Variants in STK38L observed in about 807,000 individuals in gnomAD.
The protein encoded by STK38L is serine/threonine-protein kinase 38-like.
Under a neutral mutation model 59.7 loss-of-function variants are expected in STK38L, and 28 were observed. That is an observed-to-expected ratio of 0.47 (90% confidence interval 0.35 to 0.64). STK38L has a LOEUF of 0.64. Ranked by LOEUF, STK38L falls within the 30% of genes least tolerant of loss-of-function variation. STK38L has a pLI of 0.01. For synonymous variants in STK38L, 162 were observed against 176.8 expected, an observed-to-expected ratio of 0.92 and a Z score of 0.66; for missense variants, 314 against 555.8, an observed-to-expected ratio of 0.56 and a Z score of 4.37.
intron 1 of STK38L, among the ~76,000 whole-genome samples, chr12:27,262,280 C>G (rs151028379): frequency 6.6e-6 from 1 of 152,124 alleles, no homozygotes; most frequent in African/African-American, 2.4e-5. Flanking sequence ...AAACTAAATA[C>G]AAATTATGTC....
chr12:27,320,178 C>T lies in STK38L; in HGVS notation c.1175+755C>T, dbSNP rs183394142. On this transcript the variant is annotated intron_variant, in intron 12 of 13. Coordinates refer to ENST00000389032, the MANE Select transcript of STK38L (RefSeq NM_015000.4). The stretch of plus-strand genomic sequence containing the variant: ...TACCCCTACCCTGCCTAGCTGGCTC[C>T]TTTGCATCTTCCAAGATAGCTTATG... 5.3e-5 allele frequency among the ~76,000 whole-genome samples: 8 copies of T among 152,336 alleles called. No individual in the cohort carries two copies. In the East Asian group the frequency reaches 1.5e-3, roughly 29 times the overall value.
chr12:27,267,148 G>A (rs990516598), intron 1 of STK38L, among the ~76,000 whole-genome samples: 1 of 152,106 alleles, frequency 6.6e-6, no homozygotes, highest in Non-Finnish European at 1.5e-5. Context: ...AATTCATTAT[G>A]TAAATTTGCC....
chr12:27,319,567 G>C, intron 12 of STK38L, 144 bp downstream of exon 12: 1 of 556,490 alleles, frequency 1.8e-6, no homozygotes, highest in Non-Finnish European at 3.2e-6. Flanking sequence ...GATTATGTAA[G>C]TGAGTGGGAC....
intron 2 of STK38L, among the ~76,000 whole-genome samples, chr12:27,300,215 A>G (rs1462370496): frequency 6.6e-6 from 1 of 152,220 alleles, no homozygotes; most frequent in African/African-American, 2.4e-5. Flanking sequence ...AAAAGCTTAT[A>G]CTTTTAAGAA....
At chr12:27,264,828 T>A (rs1485135703) in intron 1 of STK38L, among the ~76,000 whole-genome samples, 3 of 152,240 alleles carry the variant, frequency 2.0e-5, no homozygotes, top group African/African-American at 7.2e-5. Context: ...TATCAAAGGA[T>A]GACTGTATGA....
At chr12:27,312,376 A>G (rs932091510) in intron 5 of STK38L, among the ~76,000 whole-genome samples, 173 bp from the exon 6 acceptor site, 1 of 152,174 alleles carries the variant, frequency 6.6e-6, no homozygotes, top group African/African-American at 2.4e-5. Context: ...AAAATAAACT[A>G]TTTCTTGAGG....
chr12:27,261,272 T>C (rs2029096), intron 1 of STK38L, among the ~76,000 whole-genome samples: 60,261 of 152,084 alleles, frequency 0.4, 12,118 homozygotes, highest in Admixed American at 0.47. Flanking sequence ...CACAGCTTAT[T>C]TGTGTCAGCC....
rs977095005 is a variant in STK38L, at chr12:27,323,034, G to T, written c.*579G>T. ...AAATTCACTGGTTCTTTACAAAATAGAATTTATCATCAAGTTATTACACAA... is the reference window on the plus strand; with the variant it reads ...AAATTCACTGGTTCTTTACAAAATATAATTTATCATCAAGTTATTACACAA... On this transcript the variant is annotated 3_prime_UTR_variant, in exon 14 of 14. Transcript: ENST00000389032. The T allele has an allele frequency of 1.3e-5, 2 of 152,182 alleles. No individual in the cohort carries two copies. Among genetic ancestry groups the T allele is most frequent in the Non-Finnish European group, 2.9e-5 (2 of 68,014 alleles). 9.4% of individuals were successfully genotyped at this position (152,182 alleles called of 1,614,324 possible). A position where few individuals can be genotyped will look rare whatever the true frequency, so the allele number is the denominator to read the frequency against.
intron 1 of STK38L, among the ~76,000 whole-genome samples, chr12:27,296,500 T>G (rs1463571826): frequency 6.6e-6 from 1 of 152,252 alleles, no homozygotes; most frequent in Non-Finnish European, 1.5e-5. Flanking sequence ...TGACATCTTT[T>G]GGTTCATTCC....
chr12:27,246,631 A>G (rs1942859108), intron 1 of STK38L, among the ~76,000 whole-genome samples: 2 of 152,320 alleles, frequency 1.3e-5, no homozygotes, highest in Admixed American at 6.5e-5. Context: ...TTTTTTAAAA[A>G]ATTAAAAATC....
chr12:27,316,128 A>G (rs762903694), intron 9 of STK38L, among the ~76,000 whole-genome samples: 1 of 152,216 alleles, frequency 6.6e-6, no homozygotes, highest in Non-Finnish European at 1.5e-5. Context: ...ACAGACTGAA[A>G]AATAATAGGC....
Position 27,266,921 on chromosome 12 carries a change from G to A in STK38L, c.-12+22589G>A, listed in dbSNP as rs1943312716. Among the ~76,000 whole-genome samples the A allele has an allele frequency of 3.9e-5, 6 of 152,114 alleles. No homozygotes were observed. The South Asian group carries it at 1.2e-3, about 32-fold the overall frequency. The stretch of plus-strand genomic sequence containing the variant: ...AACCCAGCATTTTTCAAACGTATTT[G>A]ACTCCTAGAACCTGTTTTCCCTCAG... On this transcript the variant is annotated intron_variant, in intron 1 of 13. Transcript: ENST00000389032.
rs866920796 is a variant in STK38L at position 27,317,684 on chromosome 12, A to G, written c.956-212A>G. On this transcript the variant is annotated intron_variant, in intron 10 of 13. Coordinates refer to ENST00000389032, the MANE Select transcript of STK38L (RefSeq NM_015000.4). ...CCCACGTATAAAAGTGGTTATCTAC[A>G]TAGCTTTTCAGGTAAAAGGGGAGGC... 16 of 746,858 alleles carry G rather than the reference A, an allele frequency of 2.1e-5. No individual in the cohort carries two copies. The Middle Eastern group carries it at 1.5e-3, about 72-fold the overall frequency. The allele number at this position is 746,858 out of a possible 1,614,324, so 46.3% of individuals were successfully genotyped here.
In STK38L at chr12:27,308,226, A is replaced by G; in HGVS notation, c.187-113A>G. On this transcript the variant is annotated intron_variant, in intron 3 of 13. Coordinates refer to ENST00000389032, the MANE Select transcript of STK38L (RefSeq NM_015000.4). This position sits in a 1 kb window ranked among gnomAD's most constrained non-coding sequence, Gnocchi z 4.5. ...TTAAATTGTTTTAGCCTAATAGTAT[A>G]TTACATATTAGTGCTATCATTTATT... 9.7e-7 allele frequency: 1 copy of G among 1,031,724 alleles called. No individual in the cohort carries two copies. The highest frequency in any genetic ancestry group is 1.3e-6 in the Non-Finnish European group (1 of 768,480). The allele number at this position is 1,031,724 out of a possible 1,614,324, so 63.9% of individuals were successfully genotyped here. A position where few individuals can be genotyped will look rare whatever the true frequency, so the allele number is the denominator to read the frequency against.
intron 1 of STK38L, among the ~76,000 whole-genome samples, chr12:27,273,426 A>G (rs537246656): frequency 6.6e-5 from 10 of 152,044 alleles, no homozygotes; most frequent in Non-Finnish European, 1.3e-4. Context: ...TAACATTTAT[A>G]ACATACACAT....
intron 5 of STK38L, among the ~76,000 whole-genome samples, chr12:27,312,158 C>T (rs1482090841): frequency 2.0e-5 from 3 of 152,208 alleles, no homozygotes; most frequent in Admixed American, 1.3e-4. Context: ...GGATTACAGG[C>T]GTGAGCCACT....
intron 6 of STK38L, among the ~76,000 whole-genome samples, chr12:27,313,127 A>G (rs972047562): frequency 6.6e-6 from 1 of 151,954 alleles, no homozygotes; most frequent in African/African-American, 2.4e-5. Flanking sequence ...GGGCGCCTGT[A>G]GTCCCAGCTA....
rs977343169 is a variant in STK38L, at chr12:27,308,286, A to G, written c.187-53A>G. 1.4e-5 allele frequency: 20 copies of G among 1,445,142 alleles called. No homozygotes were observed. The African/African-American group carries it at 2.5e-4, about 18-fold the overall frequency. 89.5% of individuals were successfully genotyped at this position (1,445,142 alleles called of 1,614,324 possible). On this transcript the variant is annotated intron_variant, in intron 3 of 13. Transcript: ENST00000389032. The surrounding 1 kb of genome is among the most constrained non-coding windows in gnomAD (Gnocchi z 4.5). ...ATCATCTTTTAATACTAGAAGCTCC[A>G]TCAAAACAACCTAATTATAAAATCA...
chr12:27,309,925 C>T (rs1433932582), intron 5 of STK38L, among the ~76,000 whole-genome samples: 1 of 152,188 alleles, frequency 6.6e-6, no homozygotes, highest in African/African-American at 2.4e-5. Flanking sequence ...GGGCTCTCTG[C>T]ATGTTTCCTG....
Sources: allele counts gnomAD v4.1 joint callset (sites outside exome capture counted in the v4.1 genomes callset), GRCh38; gene constraint gnomAD v4.1.1; non-coding constraint Gnocchi (gnomAD v3.1); transcripts MANE v1.5; gene names NCBI Gene and HGNC (gene_info 2026-07-23, HGNC 2026-07-21).